The following MAP2K1 variants were observed in gnomAD, a reference collection of about 807,000 sequenced individuals.
MAP2K1 encodes the protein mitogen-activated protein kinase kinase 1.
MAP2K1 carries 16 observed loss-of-function variants against 46.3 expected under a neutral mutation model. That is an observed-to-expected ratio of 0.35 (90% CI 0.23 to 0.52). The LOEUF is 0.52. Ranked by LOEUF, MAP2K1 falls within the 20% of genes least tolerant of loss-of-function variation. MAP2K1 has a pLI of 0.94. For missense variants in MAP2K1, 263 were observed against 497.1 expected (o/e 0.53, Z 4.48); for synonymous variants, 183 against 185.6 (o/e 0.99, Z 0.11).
rs56197290 is a variant in MAP2K1 at position 66,469,693 on chromosome 15, G to GACACACACACACACACAC, written c.569-12048_569-12031dup. ...ACCCAAAACATAAAATCCTTTTAAAGACACACACACACACACACACACACA... is the reference window on the plus strand; with the variant it reads ...ACCCAAAACATAAAATCCTTTTAAAGACACACACACACACACACACACACACACACACACACACACACA... On this transcript the variant is annotated intron_variant, in intron 5 of 10. Transcript: ENST00000307102. Among the ~76,000 whole-genome samples the GACACACACACACACACAC allele has an allele frequency of 7.4e-3, 626 of 84,914 alleles. 17 individuals carry two copies. The highest frequency in any genetic ancestry group is 0.018 in the African/African-American group (412 of 22,568). 55.7% of individuals were successfully genotyped at this position (84,914 alleles called of 152,430 possible).
chr15:66,412,619 C>T (rs1482719684), intron 1 of MAP2K1, among the ~76,000 whole-genome samples: 1 of 152,180 alleles, frequency 6.6e-6, no homozygotes, highest in Non-Finnish European at 1.5e-5. Flanking sequence ...AGATTGCATC[C>T]TGGTCACACT....
intron 5 of MAP2K1, among the ~76,000 whole-genome samples, chr15:66,449,580 A>T (rs891079748): frequency 1.3e-5 from 2 of 152,206 alleles, no homozygotes; most frequent in Non-Finnish European, 2.9e-5. Flanking sequence ...GAAAGTATAC[A>T]CTTAAAATGG....
intron 1 of MAP2K1, among the ~76,000 whole-genome samples, chr15:66,418,725 G>C (rs983474950): frequency 6.6e-6 from 1 of 151,198 alleles, no homozygotes; most frequent in Non-Finnish European, 1.5e-5. Flanking sequence ...TGCAGTGGCG[G>C]GATCTCAGCT....
At chr15:66,421,779 A>T (rs2093444177) in intron 1 of MAP2K1, among the ~76,000 whole-genome samples, 2 of 150,512 alleles carry the variant, frequency 1.3e-5, no homozygotes, top group Admixed American at 6.6e-5. Context: ...AGCTTGGGTG[A>T]CAGAGTGACT....
intron 5 of MAP2K1, among the ~76,000 whole-genome samples, chr15:66,464,048 C>T (rs1216549032): frequency 6.6e-6 from 1 of 152,196 alleles, no homozygotes; most frequent in Non-Finnish European, 1.5e-5. Flanking sequence ...TTGACTTTTC[C>T]CTTTAGCTTA....
At chr15:66,457,487 G>A (rs569525026) in intron 5 of MAP2K1, among the ~76,000 whole-genome samples, 3 of 152,148 alleles carry the variant, frequency 2.0e-5, no homozygotes, top group Non-Finnish European at 4.4e-5. Context: ...TGTAAATGTT[G>A]TCTGTGCCTG....
At position 66,482,523 on chromosome 15, in the gene MAP2K1, C is replaced by T. The variant is rs538161629; in HGVS notation, c.693+644C>T. Among the ~76,000 whole-genome samples the T allele has an allele frequency of 2.6e-5, 4 of 152,308 alleles. No individual in the cohort carries two copies. In the South Asian group the frequency reaches 8.3e-4, roughly 32 times the overall value. On this transcript the variant is annotated intron_variant, in intron 6 of 10. Coordinates refer to ENST00000307102, the MANE Select transcript of MAP2K1 (RefSeq NM_002755.4). ...CAACACCCTGTGTTGAGGGTATTTC[C>T]TCCTGCTCCTGGCTCTGCTGGCTCA...
At chr15:66,484,163 C>G (rs185739413) in intron 6 of MAP2K1, among the ~76,000 whole-genome samples, 174 of 149,466 alleles carry the variant, frequency 1.2e-3, no homozygotes, top group Middle Eastern at 3.5e-3. Context: ...TTTTTTCTTC[C>G]GACATGGAGT....
In MAP2K1 at chr15:66,387,310, C is replaced by A; in HGVS notation, c.-38C>A. ...GCGGGAGGAAGCGAGAGGTGCTGCC[C>A]TCCCCCCGGAGTTGGAAGCGCGTTA... On this transcript the variant is annotated 5_prime_UTR_variant, in exon 1 of 11. Transcript: ENST00000307102. The A allele has an allele frequency of 1.3e-6, 2 of 1,493,188 alleles. No individual in the cohort carries two copies. The highest frequency in any genetic ancestry group is 2.5e-5 in the East Asian group (1 of 39,486). 92.5% of individuals were successfully genotyped at this position (1,493,188 alleles called of 1,614,324 possible).
chr15:66,422,147 T>TG (rs1460783322), intron 1 of MAP2K1, among the ~76,000 whole-genome samples: 1 of 152,198 alleles, frequency 6.6e-6, no homozygotes, highest in Non-Finnish European at 1.5e-5. Flanking sequence ...CATGAAAACG[T>TG]GGGGATTAAA....
intron 5 of MAP2K1, among the ~76,000 whole-genome samples, chr15:66,463,068 C>A (rs1242458213): frequency 2.6e-5 from 4 of 152,188 alleles, no homozygotes; most frequent in Non-Finnish European, 5.9e-5. Flanking sequence ...TTCAACCTGA[C>A]CCTCTTAGCA....
At chr15:66,456,702 C>T (rs1477069073) in intron 5 of MAP2K1, among the ~76,000 whole-genome samples, 1 of 152,168 alleles carries the variant, frequency 6.6e-6, no homozygotes, top group Non-Finnish European at 1.5e-5. Flanking sequence ...CATGGCTGGA[C>T]CATTCACTGT....
intron 7 of MAP2K1, among the ~76,000 whole-genome samples, chr15:66,486,149 C>A (rs1351484763): frequency 2.6e-5 from 4 of 152,218 alleles, no homozygotes; most frequent in Non-Finnish European, 4.4e-5. Flanking sequence ...GATCCTCCTG[C>A]CTTGGCCTCC....
chr15:66,411,920 C>T (rs1200026368), intron 1 of MAP2K1, among the ~76,000 whole-genome samples: 1 of 152,178 alleles, frequency 6.6e-6, no homozygotes, highest in African/African-American at 2.4e-5. Flanking sequence ...GGAGAGAGAT[C>T]TTGCCCATGG....
chr15:66,418,945 C>CTTTTT (rs753511565), intron 1 of MAP2K1, among the ~76,000 whole-genome samples: 1 of 88,890 alleles, frequency 1.1e-5, no homozygotes, highest in Non-Finnish European at 2.1e-5. Flanking sequence ...TGTGCCCGGC[C>CTTTTT]TTTTTTTTTT....
intron 2 of MAP2K1, 64 bp downstream of exon 2, chr15:66,435,301 CAGGGTAGA>C: frequency 7.3e-7 from 1 of 1,361,316 alleles, no homozygotes; most frequent in Non-Finnish European, 1.1e-6. Flanking sequence ...GCCTGGGGAC[CAGGGTAGA>C]AGGAAGACTG....
intron 1 of MAP2K1, among the ~76,000 whole-genome samples, chr15:66,396,638 A>G (rs2093368334): frequency 6.6e-6 from 1 of 151,716 alleles, no homozygotes; most frequent in Non-Finnish European, 1.5e-5. Flanking sequence ...TTTCTGAGCA[A>G]CTCCATGCCA....
At chr15:66,463,776 G>A (rs1433234108) in intron 5 of MAP2K1, among the ~76,000 whole-genome samples, 3 of 152,230 alleles carry the variant, frequency 2.0e-5, no homozygotes, top group Admixed American at 6.5e-5. Flanking sequence ...GAGCCACCAC[G>A]CCTGGCCAGA....
Position 66,449,589 on chromosome 15 carries a change from G to A in MAP2K1, c.568+4882G>A, listed in dbSNP as rs548292363. ...ATGCATGAAAGTATACACTTAAAAT[G>A]GTAACTGTAGGCTGGGTGCGGTGGC... On this transcript the variant is annotated intron_variant, in intron 5 of 10. Transcript: ENST00000307102. 1.1e-4 allele frequency among the ~76,000 whole-genome samples: 16 copies of A among 152,302 alleles called. No individual in the cohort carries two copies. In the South Asian group the frequency reaches 3.3e-3, roughly 32 times the overall value.
Sources: gnomAD v4.1 joint callset for allele counts (sites outside exome capture counted in the v4.1 genomes callset) on GRCh38, gnomAD v4.1.1 for gene constraint, MANE v1.5 for transcripts, NCBI Gene and HGNC (gene_info 2026-07-23, HGNC 2026-07-21) for gene names.